EIF4B: variants seen among roughly 807,000 people sequenced by gnomAD.
EIF4B encodes eukaryotic translation initiation factor 4B.
Under a neutral mutation model 79.3 loss-of-function variants are expected in EIF4B, and 8 were observed. The ratio of observed to expected loss-of-function variants is 0.10; its 90% confidence interval spans 0.06 to 0.18. The LOEUF is 0.18. Ranked by LOEUF, EIF4B falls within the 10% of genes least tolerant of loss-of-function variation. The pLI is 1.00. For missense variants in EIF4B, 515 were observed against 792.4 expected, an observed-to-expected ratio of 0.65 and a Z score of 4.20; for synonymous variants, 238 against 274.7, an observed-to-expected ratio of 0.87 and a Z score of 1.32.
intron 8 of EIF4B, among the ~76,000 whole-genome samples, chr12:53,029,714 C>G (rs1375546908): frequency 6.6e-6 from 1 of 152,066 alleles, no homozygotes; most frequent in African/African-American, 2.4e-5. Context: ...TAGTCCTAAA[C>G]TTTGTGGCAA....
chr12:53,011,575 T>G, intron 1 of EIF4B, among the ~76,000 whole-genome samples: 1 of 152,302 alleles, frequency 6.6e-6, no homozygotes, highest in East Asian at 1.9e-4. Context: ...AGATAACTGC[T>G]AAAATCCCCC....
chr12:53,011,093 G>A (rs1046754706), intron 1 of EIF4B, among the ~76,000 whole-genome samples: 2 of 152,058 alleles, frequency 1.3e-5, no homozygotes, highest in Non-Finnish European at 2.9e-5. Flanking sequence ...GTGAGACCAC[G>A]TCTCTACAAA....
intron 1 of EIF4B, chr12:53,012,074 T>G (rs1011565283): frequency 3.9e-5 from 6 of 152,216 alleles, no homozygotes; most frequent in African/African-American, 1.4e-4. Context: ...TTAGATAACA[T>G]CTTTTCTCAG....
chr12:53,018,548 C>G (rs1943184579), intron 2 of EIF4B, among the ~76,000 whole-genome samples: 1 of 152,096 alleles, frequency 6.6e-6, no homozygotes, highest in Non-Finnish European at 1.5e-5. Flanking sequence ...GTAGCTGGCA[C>G]ACAGTAATAT....
At chr12:53,018,118 G>A (rs928892775) in intron 2 of EIF4B, among the ~76,000 whole-genome samples, 1 of 152,188 alleles carries the variant, frequency 6.6e-6, no homozygotes, top group African/African-American at 2.4e-5. Context: ...AGCCTCCCAA[G>A]TAGATGGGAT....
chr12:53,013,045 ATAACGT>A (rs981541124), intron 1 of EIF4B, among the ~76,000 whole-genome samples: 25 of 152,332 alleles, frequency 1.6e-4, no homozygotes, highest in African/African-American at 4.3e-4. Context: ...GAAATTTCAA[ATAACGT>A]TAAAGAAGAA....
At chr12:53,007,453 T>G (rs11170371) in intron 1 of EIF4B, among the ~76,000 whole-genome samples, 6 of 123,682 alleles carry the variant, frequency 4.9e-5, no homozygotes, top group Non-Finnish European at 8.1e-5. Flanking sequence ...TTTTTTAAGG[T>G]AACTGTGCAA....
intron 8 of EIF4B, among the ~76,000 whole-genome samples, chr12:53,030,798 A>G (rs1230774710): frequency 2.0e-5 from 3 of 152,174 alleles, no homozygotes; most frequent in Admixed American, 1.3e-4. Context: ...CTGTTCCATC[A>G]GTGAGCTGAG....
In EIF4B at chr12:53,037,483, ACTTCTAAAC is replaced by A; in HGVS notation, c.1384_1392del (p.Ser462_Pro464del). ...TAAGGAGGAAGATTGCCACTCTCCA[ACTTCTAAAC>A]CTCCCAAACCTGATCAGCCCCTAAA... is the stretch of plus-strand genomic sequence containing the variant. On this transcript the variant is annotated inframe_deletion, in exon 11 of 15. Transcript: ENST00000262056. 1.2e-6 allele frequency: 2 copies of A among 1,613,700 alleles called. No homozygotes were observed. Among genetic ancestry groups the A allele is most frequent in the Non-Finnish European group, 1.7e-6 (2 of 1,179,754 alleles).
intron 5 of EIF4B, 88 bp downstream of exon 5, chr12:53,021,948 T>C: frequency 6.7e-7 from 1 of 1,487,202 alleles, no homozygotes; most frequent in Non-Finnish European, 9.3e-7. Context: ...ATAGGGGTAG[T>C]GGTGGGCCTG....
chr12:53,038,671 C>T (rs777104009), intron 12 of EIF4B: 13 of 185,836 alleles, frequency 7.0e-5, no homozygotes, highest in Admixed American at 3.1e-4. Context: ...AAAAATTAGC[C>T]GGGTGTGGTG....
chr12:53,038,059 T>C, intron 11 of EIF4B: 1 of 256,970 alleles, frequency 3.9e-6, no homozygotes, highest in South Asian at 5.9e-5. Context: ...AGAGCGGAGG[T>C]TGCAGTGAGC....
intron 11 of EIF4B, chr12:53,037,834 T>C (rs990627955): frequency 1.5e-5 from 9 of 607,350 alleles, no homozygotes; most frequent in Admixed American, 6.2e-5. Flanking sequence ...TCAGCTATGA[T>C]GGGAGTACTA....
intron 6 of EIF4B, among the ~76,000 whole-genome samples, chr12:53,026,567 T>C (rs188080863): frequency 6.6e-5 from 10 of 152,362 alleles, no homozygotes; most frequent in Admixed American, 5.2e-4. Flanking sequence ...CATGCATAGT[T>C]CTAATACAAC....
Position 53,026,557 on chromosome 12 carries a change from C to T in EIF4B, c.668-1225C>T, listed in dbSNP as rs145323978. ...GGGTATACATGACTTCAAATCTTTTCATGCATAGTTCTAATACAACTTTCA... is the reference window on the plus strand; with the variant it reads ...GGGTATACATGACTTCAAATCTTTTTATGCATAGTTCTAATACAACTTTCA... On this transcript the variant is annotated intron_variant, in intron 6 of 14. Transcript: ENST00000262056. 2.2e-3 allele frequency among the ~76,000 whole-genome samples: 329 copies of T among 152,282 alleles called. 1 individual carries two copies. Among genetic ancestry groups the T allele is most frequent in the African/African-American group, 7.7e-3 (319 of 41,542 alleles).
At chr12:53,027,137 A>ATTATTATTATTATTATTATTATTTTT (rs1943349413) in intron 6 of EIF4B, among the ~76,000 whole-genome samples, 10 of 25,722 alleles carry the variant, frequency 3.9e-4, no homozygotes, top group Admixed American at 1.9e-3. Flanking sequence ...AAAAAAAAAA[A>ATTATTATTATTATTATTATTATTTTT]TTTTTTTTTT....
chr12:53,039,859 G>A, intron 14 of EIF4B, 157 bp downstream of exon 14: 1 of 788,694 alleles, frequency 1.3e-6, no homozygotes, highest in Non-Finnish European at 1.9e-6. Context: ...TAAGACATTG[G>A]TCTTTACTGA....
chr12:53,007,255 C>T (rs1023735102), intron 1 of EIF4B, among the ~76,000 whole-genome samples: 1 of 152,008 alleles, frequency 6.6e-6, no homozygotes, highest in South Asian at 2.1e-4. Flanking sequence ...GGTGCGCCCA[C>T]GTGTTGGAGA....
chr12:53,025,287 A>G, intron 6 of EIF4B: 1 of 454,650 alleles, frequency 2.2e-6, no homozygotes, highest in South Asian at 1.6e-5. Flanking sequence ...TTTTGAGTCC[A>G]GGGGCATGAC....
Sources: gnomAD v4.1 joint callset for allele counts (sites outside exome capture counted in the v4.1 genomes callset) on GRCh38, gnomAD v4.1.1 for gene constraint, MANE v1.5 for transcripts, NCBI Gene and HGNC (gene_info 2026-07-23, HGNC 2026-07-21) for gene names.